The following YLPM1 variants were observed in gnomAD, a reference collection of about 807,000 sequenced individuals.
The protein encoded by YLPM1 is YLP motif-containing protein 1.
YLPM1 carries 99 observed loss-of-function variants against 230.0 expected under a neutral mutation model. The ratio of observed to expected loss-of-function variants is 0.43; its 90% CI spans 0.37 to 0.51. The LOEUF (loss-of-function observed/expected upper bound fraction) is 0.51. Ranked by LOEUF, YLPM1 falls within the 20% of genes least tolerant of loss-of-function variation. The pLI, the probability that YLPM1 is intolerant of heterozygous loss-of-function variation, is 0.00. For missense variants in YLPM1, 2,592 were observed against 2,707.7 expected, an observed-to-expected ratio of 0.96 and a Z score of 0.95; for synonymous variants, 984 against 942.5, an observed-to-expected ratio of 1.04 and a Z score of -0.81.
chr14:74,781,930 T>C lies in YLPM1; in HGVS notation c.1887T>C (p.Pro629=), dbSNP rs766299759. The C allele has an allele frequency of 3.1e-6, 5 of 1,613,384 alleles. No homozygotes were observed. Among genetic ancestry groups the C allele is most frequent in the South Asian group, 1.1e-5 (1 of 91,064 alleles). ...MPLPPLSSAT[P]PPGIPPPGVP... The stretch of plus-strand genomic sequence containing the variant: ...TCCCACCATTGTCTTCAGCTACACC[T>C]CCTCCAGGAATACCTCCCCCTGGAG... The change falls in exon 4 of 21, where the codon CCT becomes CCC. Residue 629 remains proline (P), a synonymous_variant. Coordinates refer to ENST00000325680, the MANE Select transcript of YLPM1 (RefSeq NM_019589.3).
At chr14:74,834,319 T>C (rs1470987845) in intron 19 of YLPM1, among the ~76,000 whole-genome samples, 1 of 152,186 alleles carries the variant, frequency 6.6e-6, no homozygotes, top group Non-Finnish European at 1.5e-5. Flanking sequence ...ATGAATTATA[T>C]CAGTTGAGTC....
At chr14:74,782,917 TC>T (rs1214868226) in intron 4 of YLPM1, among the ~76,000 whole-genome samples, 2 of 152,214 alleles carry the variant, frequency 1.3e-5, no homozygotes, top group Non-Finnish European at 2.9e-5. Context: ...CTTCTGTTTA[TC>T]CTGAACAACA....
chr14:74,828,920 G>A (rs1292608228), intron 18 of YLPM1, among the ~76,000 whole-genome samples: 1 of 152,172 alleles, frequency 6.6e-6, no homozygotes, highest in Non-Finnish European at 1.5e-5. Context: ...GAACTGTGGT[G>A]GGTGGGAGGA....
intron 18 of YLPM1, chr14:74,827,287 T>C (rs1176066824): frequency 1.1e-6 from 1 of 947,544 alleles, no homozygotes; most frequent in African/African-American, 1.8e-5. Context: ...GTGCATGTAT[T>C]GAACACCAGT....
intron 19 of YLPM1, among the ~76,000 whole-genome samples, chr14:74,833,636 T>C (rs1334788740): frequency 2.0e-5 from 3 of 152,202 alleles, no homozygotes; most frequent in African/African-American, 7.2e-5. Context: ...GCCCACATTA[T>C]TTATTAGGCT....
Position 74,781,715 on chromosome 14 carries a change from C to G in YLPM1, c.1672C>G (p.Pro558Ala), listed in dbSNP as rs1261177780. ...PPALPATVPPPGMPPPVMPPS... is the reference protein window; with the variant it reads ...PPALPATVPPAGMPPPVMPPS... ...TGCCCTCCCTGCTACAGTGCCACCA[C>G]CTGGCATGCCCCCACCTGTTATGCC... Residue 558 changes from proline to alanine, a missense_variant, in exon 4 of 21, where the codon CCT (proline) becomes GCT (alanine). Physicochemically the swap from Pro to Ala is conservative, Grantham distance 27. Coordinates refer to ENST00000325680, the MANE Select transcript of YLPM1 (RefSeq NM_019589.3). 1 of 1,613,198 alleles carries G rather than the reference C, an allele frequency of 6.2e-7. No individual in the cohort carries two copies. The highest frequency in any genetic ancestry group is 1.7e-5 in the Admixed American group (1 of 59,938).
rs201292705 is a variant in YLPM1 at position 74,781,685 on chromosome 14, C to T, written c.1642C>T (p.Pro548Ser). 1.0e-4 allele frequency: 161 copies of T among 1,612,406 alleles called. No homozygotes were observed. Among genetic ancestry groups the T allele is most frequent in the Non-Finnish European group, 1.3e-4 (152 of 1,179,502 alleles). Residue 548 changes from proline (P) to serine (S), a missense_variant, in exon 4 of 21, where the codon CCC (proline) becomes TCC (serine). Around this residue, in one of 4 missense-constraint regions of YLPM1, gnomAD observed 1,862 missense variants for 1,819.8 expected, o/e 1.02. Coordinates refer to ENST00000325680, the MANE Select transcript of YLPM1 (RefSeq NM_019589.3). ...LPPSLPPPVM[P>S]PALPATVPPP... Reference sequence around the variant, plus strand: ...TCCTTCATTGCCACCACCAGTGATGCCCCCTGCCCTCCCTGCTACAGTGCC... The same window carrying T: ...TCCTTCATTGCCACCACCAGTGATGTCCCCTGCCCTCCCTGCTACAGTGCC...
At chr14:74,820,376 G>A (rs1394948722) in intron 16 of YLPM1, among the ~76,000 whole-genome samples, 1 of 152,164 alleles carries the variant, frequency 6.6e-6, no homozygotes, top group East Asian at 1.9e-4. Flanking sequence ...AGCCTCCTGA[G>A]TAGCTGAGAC....
intron 11 of YLPM1, among the ~76,000 whole-genome samples, chr14:74,814,268 G>T (rs148665630): frequency 0.01 from 1,542 of 152,310 alleles, 27 homozygotes; most frequent in African/African-American, 0.035. Flanking sequence ...GGCTAAGGCA[G>T]GAGAATGGCA....
chr14:74,817,799 A>C (rs1363303130), intron 15 of YLPM1, among the ~76,000 whole-genome samples: 1 of 152,052 alleles, frequency 6.6e-6, no homozygotes, highest in Non-Finnish European at 1.5e-5. Context: ...TTAGGCCTGT[A>C]ATCCCAGCAC....
intron 16 of YLPM1, among the ~76,000 whole-genome samples, chr14:74,819,572 A>G (rs1177559526): frequency 6.6e-6 from 1 of 151,754 alleles, no homozygotes; most frequent in Non-Finnish European, 1.5e-5. Flanking sequence ...ACCATGCCCA[A>G]CCGTCATTGT....
intron 19 of YLPM1, among the ~76,000 whole-genome samples, chr14:74,833,965 T>G (rs1218864900): frequency 6.6e-6 from 1 of 152,184 alleles, no homozygotes; most frequent in Non-Finnish European, 1.5e-5. Flanking sequence ...TTTGATACTG[T>G]GTAGTGCAAG....
chr14:74,798,883 G>A lies in YLPM1; in HGVS notation c.3586G>A (p.Gly1196Arg), dbSNP rs2091293512. The change falls in exon 5 of 21, where the codon GGA becomes AGA. Residue 1196 changes from glycine (G) to arginine (R), a missense_variant. Physicochemically the swap from Gly to Arg is moderately radical, Grantham distance 125 (BLOSUM62 -2). This residue lies in a region of YLPM1 where 1,862 missense variants were observed against 1,819.8 expected (regional missense o/e 1.02). Coordinates refer to ENST00000325680, the MANE Select transcript of YLPM1 (RefSeq NM_019589.3). ...GCCTCCTAGGGCTCCATGGAACCAT[G>A]GAGAAGAGCGAGGGCATGAAGAGTT... Reference protein sequence around the residue: ...DEPPRAPWNHGEERGHEEFPL... With the variant: ...DEPPRAPWNHREERGHEEFPL... 1 of 1,613,838 alleles carries A rather than the reference G, an allele frequency of 6.2e-7. No homozygotes were observed. Among genetic ancestry groups the A allele is most frequent in the African/African-American group, 1.3e-5 (1 of 74,910 alleles).
At chr14:74,806,196 A>C (rs969357882) in intron 6 of YLPM1, among the ~76,000 whole-genome samples, 1 of 151,876 alleles carries the variant, frequency 6.6e-6, no homozygotes, top group African/African-American at 2.4e-5. Context: ...GTCTCTACTA[A>C]AAATATAAAA....
chr14:74,797,719 A>G lies in YLPM1; in HGVS notation c.2422A>G (p.Lys808Glu). 1 of 1,613,710 alleles carries G rather than the reference A, an allele frequency of 6.2e-7. No homozygotes were observed. Among genetic ancestry groups the G allele is most frequent in the Non-Finnish European group, 8.5e-7 (1 of 1,179,688 alleles). The change falls in exon 5 of 21, where the codon AAG becomes GAG. Residue 808 changes from lysine (K) to glutamate (E), a missense_variant. Physicochemically the swap from Lys to Glu is moderately conservative, Grantham distance 56. Around this residue, in one of 4 missense-constraint regions of YLPM1, gnomAD observed 1,862 missense variants for 1,819.8 expected, o/e 1.02. Transcript: ENST00000325680. The stretch of plus-strand genomic sequence containing the variant: ...TCACCCAGCAGAGGGCACTAAAAGC[A>G]AGTGGGGAATGATTCCCCGGGGGCC... The part of the protein sequence containing the change: ...EGHPAEGTKS[K>E]WGMIPRGPAS...
chr14:74,769,909 G>A (rs191536501), intron 1 of YLPM1, among the ~76,000 whole-genome samples: 4 of 146,618 alleles, frequency 2.7e-5, no homozygotes, highest in Middle Eastern at 3.6e-3. Flanking sequence ...GTGGCCGGGC[G>A]CAGTGGCTCA....
chr14:74,763,613 C>G lies in YLPM1; in HGVS notation c.124C>G (p.Pro42Ala), dbSNP rs770870262. ...PGPGYSSSTT[P>A]AAPSSSGFMS... is the part of the protein sequence containing the mutation. The stretch of plus-strand genomic sequence containing the variant: ...GCCCGGGTACTCGAGCTCGACGACT[C>G]CCGCGGCCCCCTCCTCCTCGGGCTT... Residue 42 changes from proline (P) to alanine (A), a missense_variant, in exon 1 of 21, where the codon CCC (proline) becomes GCC (alanine). Physicochemically the swap from Pro to Ala is conservative, Grantham distance 27. Transcript: ENST00000325680. 19 of 1,592,530 alleles carry G rather than the reference C, an allele frequency of 1.2e-5. No homozygotes were observed. Among genetic ancestry groups the G allele is most frequent in the African/African-American group, 2.7e-5 (2 of 72,918 alleles).
At chr14:74,801,170 T>C (rs2091320922) in intron 5 of YLPM1, among the ~76,000 whole-genome samples, 2 of 152,222 alleles carry the variant, frequency 1.3e-5, no homozygotes, top group South Asian at 4.1e-4. Flanking sequence ...TCATCCTTTT[T>C]TAAAGCTTTC....
chr14:74,811,163 A>C (rs182062461), intron 9 of YLPM1, among the ~76,000 whole-genome samples: 1 of 152,222 alleles, frequency 6.6e-6, no homozygotes, highest in African/African-American at 2.4e-5. Context: ...ATATAAAGTA[A>C]ATCTAAATGA....
Sources: allele counts gnomAD v4.1 joint callset (sites outside exome capture counted in the v4.1 genomes callset), GRCh38; gene constraint gnomAD v4.1.1; regional missense constraint gnomAD v4.1.1; transcripts MANE v1.5; gene names NCBI Gene and HGNC (gene_info 2026-07-23, HGNC 2026-07-21).